CUBN: variants seen among roughly 807,000 people sequenced by gnomAD.
CUBN encodes the protein cubilin.
Under a neutral mutation model 405.3 loss-of-function variants are expected in CUBN, and 282 were observed. The ratio of observed to expected loss-of-function variants is 0.70; its 90% confidence interval spans 0.63 to 0.77. The LOEUF is 0.77. CUBN is among the 30% of genes least tolerant of loss of function. The probability of loss-of-function intolerance (pLI) is 0.00; values close to 1 mark genes in which losing one functional copy is unlikely to be tolerated. For synonymous variants in CUBN, 1,684 were observed against 1,617.0 expected (o/e 1.04, Z -0.99); for missense variants, 4,514 against 4,475.2 (o/e 1.01, Z -0.25).
intron 1 of CUBN, 147 bp from the exon 2 acceptor site, chr10:17,129,397 A>G (rs944991934): frequency 9.7e-7 from 1 of 1,031,656 alleles, no homozygotes; most frequent in African/African-American, 1.6e-5. Context: ...CTCATCTGCC[A>G]CTTTTTTCTC....
At chr10:17,003,776 C>G (rs1469195398) in intron 28 of CUBN, among the ~76,000 whole-genome samples, 1 of 152,164 alleles carries the variant, frequency 6.6e-6, no homozygotes, top group Non-Finnish European at 1.5e-5. Context: ...CACCTTGGAT[C>G]ATCAGTTGTC....
chr10:17,101,000 T>A (rs1836482151), intron 13 of CUBN, among the ~76,000 whole-genome samples: 1 of 152,176 alleles, frequency 6.6e-6, no homozygotes, highest in African/African-American at 2.4e-5. Flanking sequence ...ACTGACAACC[T>A]CATTTGAGAT....
chr10:16,988,976 A>T (rs559631315), intron 29 of CUBN, among the ~76,000 whole-genome samples: 1 of 152,290 alleles, frequency 6.6e-6, no homozygotes, highest in South Asian at 2.1e-4. Context: ...CAGTGCCCTA[A>T]ATGTGCATTA....
intron 59 of CUBN, among the ~76,000 whole-genome samples, chr10:16,855,411 T>A (rs369301604): frequency 6.6e-6 from 1 of 152,156 alleles, no homozygotes; most frequent in African/African-American, 2.4e-5. Flanking sequence ...TACGTTTTGT[T>A]CTTGTTTTTA....
chr10:16,961,383 T>C (rs1048596801), intron 31 of CUBN, among the ~76,000 whole-genome samples: 1 of 152,150 alleles, frequency 6.6e-6, no homozygotes, highest in Non-Finnish European at 1.5e-5. Flanking sequence ...TCATACCTGA[T>C]GCTTCGATAC....
Position 16,936,550 on chromosome 10 carries a change from A to G in CUBN, c.5926+1042T>C, listed in dbSNP as rs978510284. Among the ~76,000 whole-genome samples the G allele has an allele frequency of 3.3e-5, 5 of 152,308 alleles. No homozygotes were observed. The South Asian group carries it at 1.0e-3, about 32-fold the overall frequency. ...AGCAAATAGGCTAATCTTTTAAGTC[A>G]TAGAACAAGTTCAGAGTTCGAATAT... On this transcript the variant is annotated intron_variant, in intron 39 of 66. Transcript: ENST00000377833.
intron 31 of CUBN, among the ~76,000 whole-genome samples, chr10:16,971,384 C>A (rs1292153517): frequency 6.6e-6 from 1 of 152,336 alleles, no homozygotes; most frequent in African/African-American, 2.4e-5. Flanking sequence ...AACAAGCTTC[C>A]AGCCTTGCCA....
At chr10:17,008,590 G>A (rs1210239461) in intron 28 of CUBN, among the ~76,000 whole-genome samples, 1 of 151,848 alleles carries the variant, frequency 6.6e-6, no homozygotes, top group African/African-American at 2.4e-5. Flanking sequence ...CTATCACAGG[G>A]TCTTTCTTCT....
chr10:16,877,603 C>CAG (rs775436884), intron 56 of CUBN, among the ~76,000 whole-genome samples: 51 of 152,278 alleles, frequency 3.3e-4, no homozygotes, highest in South Asian at 1.2e-3. Context: ...AGCTTATGTC[C>CAG]AGATAAGGGA....
intron 25 of CUBN, among the ~76,000 whole-genome samples, chr10:17,044,265 T>C (rs1835075293): frequency 6.8e-6 from 1 of 147,240 alleles, no homozygotes; most frequent in African/African-American, 2.5e-5. Flanking sequence ...AATATTTATA[T>C]GTAAACATAA....
chr10:16,954,318 C>A (rs1356505265), intron 32 of CUBN, 71 bp downstream of exon 32: 1 of 1,543,900 alleles, frequency 6.5e-7, no homozygotes, highest in African/African-American at 1.4e-5. Context: ...GCACAGGTCT[C>A]ATTTCACTGT....
intron 19 of CUBN, among the ~76,000 whole-genome samples, chr10:17,071,040 A>G (rs1835726971): frequency 6.6e-6 from 1 of 152,068 alleles, no homozygotes; most frequent in Admixed American, 6.6e-5. Flanking sequence ...GGTTCCTTCT[A>G]CTCCTAGTTT....
chr10:16,878,400 A>G (rs1840575370), intron 56 of CUBN, among the ~76,000 whole-genome samples: 1 of 152,240 alleles, frequency 6.6e-6, no homozygotes, highest in African/African-American at 2.4e-5. Context: ...TAGATGTGCC[A>G]TCCACATTCC....
At chr10:17,107,340 A>G (rs1836657790) in intron 10 of CUBN, among the ~76,000 whole-genome samples, 1 of 152,232 alleles carries the variant, frequency 6.6e-6, no homozygotes, top group Non-Finnish European at 1.5e-5. Context: ...GGTTGAAATA[A>G]TACAAGGAAA....
At chr10:16,989,588 T>TAC (rs1163213947) in intron 29 of CUBN, among the ~76,000 whole-genome samples, 18 of 62,728 alleles carry the variant, frequency 2.9e-4, no homozygotes, top group Non-Finnish European at 5.9e-4. Context: ...AATATATATA[T>TAC]ATACACACAC....
At chr10:17,100,380 T>C (rs766491214) in intron 13 of CUBN, 141 bp from the exon 14 acceptor site, 10 of 673,326 alleles carry the variant, frequency 1.5e-5, no homozygotes, top group Non-Finnish European at 2.4e-5. Flanking sequence ...CCAGTACATA[T>C]GGCAATCTAT....
In CUBN at chr10:17,085,706, A is replaced by T; in HGVS notation, c.2001T>A (p.Thr667=). 1 of 1,614,062 alleles carries T rather than the reference A, an allele frequency of 6.2e-7. No homozygotes were observed. The highest frequency in any genetic ancestry group is 8.5e-7 in the Non-Finnish European group (1 of 1,179,954). ...TAGTCTGGAGCGGTGGGACAGAGAA[A>T]GTGGTGCAGAACTTCCCAAGAAGGG... ...QDPLLGKFCT[T]FSVPPLQTTG... The change falls in exon 16 of 67, where the codon ACT becomes ACA. Residue 667 remains threonine (T), a synonymous_variant. Transcript: ENST00000377833.
intron 54 of CUBN, among the ~76,000 whole-genome samples, chr10:16,895,107 T>C (rs1442472121): frequency 6.6e-6 from 1 of 152,198 alleles, no homozygotes; most frequent in African/African-American, 2.4e-5. Context: ...GCTCCAACAA[T>C]TGGCAGCTCA....
intron 28 of CUBN, among the ~76,000 whole-genome samples, chr10:17,002,158 C>T (rs569898437): frequency 6.6e-5 from 10 of 152,244 alleles, no homozygotes; most frequent in South Asian, 4.1e-4. Flanking sequence ...TCAGGTTCTA[C>T]GCTGAACGTC....
Sources: gnomAD v4.1 joint callset for allele counts (sites outside exome capture counted in the v4.1 genomes callset) on GRCh38, gnomAD v4.1.1 for gene constraint, MANE v1.5 for transcripts, NCBI Gene and HGNC (gene_info 2026-07-23, HGNC 2026-07-21) for gene names.